Variants in CREG1 observed in about 807,000 individuals in gnomAD.
The protein encoded by CREG1 is protein CREG1.
Under a neutral mutation model 19.9 loss-of-function variants are expected in CREG1, and 20 were observed. The observed-to-expected ratio is 1.01, with a 90% CI of 0.71 to 1.46. The LOEUF is 1.46. Among genes scored for constraint, CREG1 ranks in the 40% most tolerant of loss-of-function variants. The pLI, the probability that CREG1 is intolerant of heterozygous loss-of-function variation, is 0.00. For synonymous variants in CREG1, 141 were observed against 143.3 expected (o/e 0.98, Z 0.12); for missense variants, 290 against 314.9 (o/e 0.92, Z 0.60).
chr1:167,553,757 A>C lies in CREG1; in HGVS notation c.-16T>G, dbSNP rs1048499580. ...GCCCGGCCATGGCGGTGTCTCCAGGAAGAGTCCCGGGCCCCAAGACCTGCA... is the reference window on the plus strand; with the variant it reads ...GCCCGGCCATGGCGGTGTCTCCAGGCAGAGTCCCGGGCCCCAAGACCTGCA... On this transcript the variant is annotated 5_prime_UTR_variant, in exon 1 of 4. Transcript: ENST00000370509. The C allele has an allele frequency of 1.0e-5, 13 of 1,243,998 alleles. No individual in the cohort carries two copies. Among genetic ancestry groups the C allele is most frequent in the African/African-American group, 3.1e-5 (2 of 63,712 alleles). The allele number at this position is 1,243,998 out of a possible 1,614,324, so 77.1% of individuals were successfully genotyped here.
chr1:167,552,304 G>GT (rs371716266), intron 1 of CREG1, among the ~76,000 whole-genome samples: 5 of 152,368 alleles, frequency 3.3e-5, no homozygotes, highest in African/African-American at 1.2e-4. Flanking sequence ...TCAAGCATCA[G>GT]TTTCTTGCAT....
intron 3 of CREG1, among the ~76,000 whole-genome samples, chr1:167,544,234 G>A (rs911962503): frequency 6.6e-5 from 10 of 152,138 alleles, no homozygotes; most frequent in African/African-American, 2.2e-4. Flanking sequence ...GAGTGTGAGA[G>A]TGTTTGTCTC....
intron 1 of CREG1, among the ~76,000 whole-genome samples, chr1:167,548,640 A>G (rs149937927): frequency 0.011 from 1,637 of 152,356 alleles, 30 homozygotes; most frequent in African/African-American, 0.037. Flanking sequence ...CTTTAGTAAC[A>G]ATGAGTTTTA....
At chr1:167,543,547 G>A (rs1224346632) in intron 3 of CREG1, among the ~76,000 whole-genome samples, 2 of 152,222 alleles carry the variant, frequency 1.3e-5, no homozygotes, top group African/African-American at 2.4e-5. Flanking sequence ...CGCCTGTGAG[G>A]CCCCTGTGGG....
At position 167,546,187 on chromosome 1, in the gene CREG1, C is replaced by T. The variant is rs757372798; in HGVS notation, c.573G>A (p.Lys191=). The change falls in exon 3 of 4, where the codon AAG becomes AAA. Residue 191 remains lysine (K), a synonymous_variant. Coordinates refer to ENST00000370509, the MANE Select transcript of CREG1 (RefSeq NM_003851.3). ...WPSSHNWFFA[K]LNITNIWVLD... ...GGACCCAGATATTGGTTATATTCAA[C>T]TTAGCAAAGAACCAATTATGGCTGG... 9.2e-5 allele frequency: 149 copies of T among 1,613,474 alleles called. No homozygotes were observed. Among genetic ancestry groups the T allele is most frequent in the Non-Finnish European group, 1.2e-4 (141 of 1,179,850 alleles).
intron 1 of CREG1, among the ~76,000 whole-genome samples, chr1:167,548,736 T>G (rs1656373936): frequency 6.6e-6 from 1 of 152,246 alleles, no homozygotes; most frequent in African/African-American, 2.4e-5. Context: ...GTTGACAGAT[T>G]ATAGCAAAAT....
At chr1:167,546,403 G>T in intron 2 of CREG1, 118 bp from the exon 3 acceptor site, 1 of 632,274 alleles carries the variant, frequency 1.6e-6, no homozygotes, top group Non-Finnish European at 2.6e-6. Context: ...CAGCACTTTG[G>T]AAGGCCAAGG....
At chr1:167,542,722 A>G (rs1270744585) in intron 3 of CREG1, among the ~76,000 whole-genome samples, 2 of 152,204 alleles carry the variant, frequency 1.3e-5, no homozygotes, top group Admixed American at 6.5e-5. Context: ...GCCATTGCCC[A>G]GTGATAGTGA....
At position 167,553,666 on chromosome 1, in the gene CREG1, C is replaced by A; in HGVS notation, c.76G>T (p.Val26Leu). 3 of 1,339,934 alleles carry A rather than the reference C, an allele frequency of 2.2e-6. No individual in the cohort carries two copies. The highest frequency in any genetic ancestry group is 2.9e-6 in the Non-Finnish European group (3 of 1,051,324). 83.0% of individuals were successfully genotyped at this position (1,339,934 alleles called of 1,614,324 possible). Residue 26 changes from valine (V) to leucine (L), a missense_variant, in exon 1 of 4, where the codon GTG becomes TTG. Coordinates refer to ENST00000370509, the MANE Select transcript of CREG1 (RefSeq NM_003851.3). The stretch of plus-strand genomic sequence containing the variant: ...CCGCCGCGACCCCGCGCGGGCGACA[C>A]GAGCAGCGCCAACAGCGTCGACGCC... The part of the protein sequence containing the change: ...LLASTLLALL[V>L]SPARGRGGRD...
intron 3 of CREG1, among the ~76,000 whole-genome samples, chr1:167,544,389 T>G (rs1198590947): frequency 6.6e-6 from 1 of 152,038 alleles, no homozygotes; most frequent in Non-Finnish European, 1.5e-5. Flanking sequence ...AACACGGAAT[T>G]GTTCTACAAT....
rs775748674 is a variant in CREG1 at position 167,542,318 on chromosome 1, A to G, written c.660-17T>C. ...CTGCTTCACCTAGAAAGGGGAACAGAGAAGAATTATTTTGTTAAACTGGGT... is the reference window on the plus strand; with the variant it reads ...CTGCTTCACCTAGAAAGGGGAACAGGGAAGAATTATTTTGTTAAACTGGGT... On this transcript the variant is annotated splice_polypyrimidine_tract_variant and intron_variant, in intron 3 of 3. Transcript: ENST00000370509. 2 of 1,600,628 alleles carry G rather than the reference A, an allele frequency of 1.2e-6. No homozygotes were observed. The highest frequency in any genetic ancestry group is 1.7e-6 in the Non-Finnish European group (2 of 1,175,156).
At chr1:167,548,651 T>C (rs1272383480) in intron 1 of CREG1, among the ~76,000 whole-genome samples, 1 of 152,264 alleles carries the variant, frequency 6.6e-6, no homozygotes, top group Non-Finnish European at 1.5e-5. Context: ...ATGAGTTTTA[T>C]CCCACATTCA....
Position 167,553,369 on chromosome 1 carries a change from G to C in CREG1, c.354+19C>G. ...CCCCGCCCACAGCCCGCCTGGGGAA[G>C]CCGCGGGCCCCAGCTCACCTGCAGG... On this transcript the variant is annotated intron_variant, in intron 1 of 3. Transcript: ENST00000370509. The C allele has an allele frequency of 1.5e-6, 2 of 1,354,586 alleles. No homozygotes were observed. The highest frequency in any genetic ancestry group is 3.4e-5 in the South Asian group (2 of 58,862). The allele number at this position is 1,354,586 out of a possible 1,614,324, so 83.9% of individuals were successfully genotyped here.
Position 167,542,268 on chromosome 1 carries a change from T to TA in CREG1, c.*29dup. ...GTATGAGCCACTTTAAGAAACTTCATAAGTGTTGCTAAATTCACCACAGTC... is the reference window on the plus strand; with the variant it reads ...GTATGAGCCACTTTAAGAAACTTCATAAAGTGTTGCTAAATTCACCACAGTC... On this transcript the variant is annotated 3_prime_UTR_variant, in exon 4 of 4. Transcript: ENST00000370509. 1 of 1,595,484 alleles carries TA rather than the reference T, an allele frequency of 6.3e-7. No individual in the cohort carries two copies. Among genetic ancestry groups the TA allele is most frequent in the Non-Finnish European group, 8.5e-7 (1 of 1,172,658 alleles).
chr1:167,548,044 A>ACCC lies in CREG1; in HGVS notation c.431_432insGGG (p.Ser144delinsArgGly), dbSNP rs2102151055. 2 of 1,613,490 alleles carry ACCC rather than the reference A, an allele frequency of 1.2e-6. No homozygotes were observed. Among genetic ancestry groups the ACCC allele is most frequent in the South Asian group, 2.2e-5 (2 of 91,072 alleles). On this transcript the variant is annotated protein_altering_variant, in exon 2 of 4. Coordinates refer to ENST00000370509, the MANE Select transcript of CREG1 (RefSeq NM_003851.3). ...ACAGCATTATGTGAACACAAAGGGG[A>ACCC]CTTTGTGGATCAAATCCATGTTTCT...
intron 1 of CREG1, among the ~76,000 whole-genome samples, chr1:167,553,038 T>C (rs1380524701): frequency 7.9e-6 from 1 of 127,062 alleles, no homozygotes; most frequent in Non-Finnish European, 1.6e-5. Flanking sequence ...CAAAGTGAGA[T>C]TCTGTCTCAA....
chr1:167,544,310 T>C (rs1359141611), intron 3 of CREG1, among the ~76,000 whole-genome samples: 1 of 151,900 alleles, frequency 6.6e-6, no homozygotes, highest in East Asian at 1.9e-4. Flanking sequence ...TAGGCCCTGC[T>C]TGGAATTAAA....
Position 167,553,551 on chromosome 1 carries a change from T to C in CREG1, c.191A>G (p.His64Arg). 6.8e-7 allele frequency: 1 copy of C among 1,470,396 alleles called. No individual in the cohort carries two copies. Among genetic ancestry groups the C allele is most frequent in the Non-Finnish European group, 8.9e-7 (1 of 1,117,644 alleles). 91.1% of individuals were successfully genotyped at this position (1,470,396 alleles called of 1,614,324 possible). A position where few individuals can be genotyped will look rare whatever the true frequency, so the allele number is the denominator to read the frequency against. The part of the protein sequence containing the change: ...DAARVARFVT[H>R]VSDWGALATI... ...GGCCAGAGCGCCCCAGTCGGAGACGTGCGTCACGAAGCGGGCCACGCGCGC... is the reference window on the plus strand; with the variant it reads ...GGCCAGAGCGCCCCAGTCGGAGACGCGCGTCACGAAGCGGGCCACGCGCGC... Residue 64 changes from histidine (H) to arginine (R), a missense_variant, in exon 1 of 4, where the codon CAC becomes CGC. Transcript: ENST00000370509.
At chr1:167,545,235 G>GCCT (rs1656296905) in intron 3 of CREG1, among the ~76,000 whole-genome samples, 4 of 152,068 alleles carry the variant, frequency 2.6e-5, no homozygotes, top group Non-Finnish European at 5.9e-5. Context: ...GTCATAACTG[G>GCCT]GCTCTGTTCA....
Sources: gnomAD v4.1 joint callset for allele counts (sites outside exome capture counted in the v4.1 genomes callset) on GRCh38, gnomAD v4.1.1 for gene constraint, MANE v1.5 for transcripts, NCBI Gene and HGNC (gene_info 2026-07-23, HGNC 2026-07-21) for gene names.